ADGRE3: variants seen among roughly 807,000 people sequenced by gnomAD.
The protein encoded by ADGRE3 is EGF-like module receptor 3.
ADGRE3 carries 88 observed loss-of-function variants against 80.1 expected under a neutral mutation model. The observed-to-expected ratio is 1.10, with a 90% confidence interval of 0.93 to 1.31. ADGRE3 has a LOEUF of 1.31. ADGRE3 is among the 40% of genes most tolerant of loss of function. The pLI is 0.00. For missense variants in ADGRE3, 715 were observed against 776.5 expected, an observed-to-expected ratio of 0.92 and a Z score of 0.94; for synonymous variants, 281 against 294.8, an observed-to-expected ratio of 0.95 and a Z score of 0.48.
downstream of ADGRE3, among the ~76,000 whole-genome samples, chr19:14,617,342 C>CTTTCTTTCTTTCTTTCTTTCTTTCTT (rs2075083783): frequency 2.4e-4 from 5 of 20,588 alleles, no homozygotes; most frequent in Non-Finnish European, 5.8e-4. Flanking sequence ...CCCTCCCTCC[C>CTTTCTTTCTTTCTTTCTTTCTTTCTT]TTTCTTTCTT....
downstream of ADGRE3, chr19:14,618,972 A>G (rs773774704): frequency 5.9e-5 from 11 of 187,110 alleles, no homozygotes; most frequent in Non-Finnish European, 1.2e-4. Context: ...GCAGTGGCTC[A>G]TGCCTGTAAT....
At chr19:14,631,935 T>A (rs1970892140) in intron 13 of ADGRE3, among the ~76,000 whole-genome samples, 1 of 151,848 alleles carries the variant, frequency 6.6e-6, no homozygotes, top group South Asian at 2.1e-4. Flanking sequence ...CAAAAGACTA[T>A]AAAAAAATGT....
At chr19:14,672,944 A>G (rs1395196257) in intron 1 of ADGRE3, among the ~76,000 whole-genome samples, 1 of 152,074 alleles carries the variant, frequency 6.6e-6, no homozygotes, top group Non-Finnish European at 1.5e-5. Context: ...CAATGCTCAT[A>G]TCATCACCCT....
rs1568500865 is a variant in ADGRE3 at position 14,665,965 on chromosome 19, T to TGC, written c.77-2426_77-2425insGC. Among the ~76,000 whole-genome samples, 9 of 128,946 alleles carry TGC rather than the reference T, an allele frequency of 7.0e-5. No homozygotes were observed. The South Asian group carries it at 7.2e-4, about 10-fold the overall frequency. 84.6% of individuals were successfully genotyped at this position (128,946 alleles called of 152,430 possible). A position where few individuals can be genotyped will look rare whatever the true frequency, so the allele number is the denominator to read the frequency against. ...ATATATATATATATATATATATATA[T>TGC]ATATATATATATAGTGTTTTCTTTA... On this transcript the variant is annotated intron_variant, in intron 2 of 15. Coordinates refer to ENST00000253673, the MANE Select transcript of ADGRE3 (RefSeq NM_032571.5).
intron 4 of ADGRE3, among the ~76,000 whole-genome samples, chr19:14,660,360 C>G (rs760887272): frequency 6.6e-6 from 1 of 152,166 alleles, no homozygotes; most frequent in South Asian, 2.1e-4. Context: ...AGTGCTGTGG[C>G]TTATGCCTAT....
intron 2 of ADGRE3, among the ~76,000 whole-genome samples, chr19:14,668,355 C>A (rs561101196): frequency 4.4e-4 from 65 of 148,318 alleles, no homozygotes; most frequent in Admixed American, 3.2e-3. Flanking sequence ...ACCAGACAAA[C>A]TTTTTTTTTT....
chr19:14,602,467 C>A, the ADGRE3 span, among the ~76,000 whole-genome samples: 1 of 151,956 alleles, frequency 6.6e-6, no homozygotes, highest in African/African-American at 2.4e-5. Flanking sequence ...TAATTTTTAA[C>A]ATTTTTTGTA....
chr19:14,652,473 C>T (rs1274077472), intron 6 of ADGRE3, among the ~76,000 whole-genome samples: 1 of 151,686 alleles, frequency 6.6e-6, no homozygotes, highest in African/African-American at 2.4e-5. Context: ...AACAAAACAG[C>T]ACATCAAGAA....
At chr19:14,608,402 T>C in the ADGRE3 span, among the ~76,000 whole-genome samples, 1 of 152,136 alleles carries the variant, frequency 6.6e-6, no homozygotes, top group African/African-American at 2.4e-5. Context: ...TTTCCCTGTG[T>C]GCTTGGCATC....
At chr19:14,645,043 C>T (rs1276741690) in intron 8 of ADGRE3, among the ~76,000 whole-genome samples, 1 of 152,052 alleles carries the variant, frequency 6.6e-6, no homozygotes, top group Non-Finnish European at 1.5e-5. Context: ...TATGCGGCCA[C>T]CAGGACCCCC....
rs1568500815 is a variant in ADGRE3 at position 14,665,955 on chromosome 19, T to TGC, written c.77-2416_77-2415insGC. On this transcript the variant is annotated intron_variant, in intron 2 of 15. Transcript: ENST00000253673. ...ATATGTGTATATATATATATATATA[T>TGC]ATATATATATATATATATATATAGT... 3.2e-4 allele frequency among the ~76,000 whole-genome samples: 39 copies of TGC among 120,618 alleles called. 4 individuals carry two copies. The highest frequency in any genetic ancestry group is 4.1e-3 in the Middle Eastern group (1 of 246). The allele number at this position is 120,618 out of a possible 152,430, so 79.1% of individuals were successfully genotyped here. A position where few individuals can be genotyped will look rare whatever the true frequency, so the allele number is the denominator to read the frequency against.
rs1053436120 is a variant in ADGRE3, at chr19:14,621,807, C to T, written c.1921-2336G>A. 7 of 1,037,542 alleles carry T rather than the reference C, an allele frequency of 6.7e-6. 2 individuals carry two copies. Among genetic ancestry groups the T allele is most frequent in the Non-Finnish European group, 9.4e-6 (7 of 743,560 alleles). 64.3% of individuals were successfully genotyped at this position (1,037,542 alleles called of 1,614,324 possible). ...AGCAGTAATGCAAGGCCAATAAGAA[C>T]AATTCCAGCAACCACACCAGCTACA... On this transcript the variant is annotated intron_variant, in intron 15 of 15. Coordinates refer to ENST00000253673, the MANE Select transcript of ADGRE3 (RefSeq NM_032571.5).
intron 6 of ADGRE3, among the ~76,000 whole-genome samples, chr19:14,652,776 C>CAA (rs34330214): frequency 2.7e-4 from 17 of 62,380 alleles, no homozygotes; most frequent in Admixed American, 5.3e-4. Flanking sequence ...GACTCCATCT[C>CAA]AAAAAAAAAA....
chr19:14,603,480 G>C, the ADGRE3 span, among the ~76,000 whole-genome samples: 1 of 151,786 alleles, frequency 6.6e-6, no homozygotes, highest in Admixed American at 6.6e-5. Flanking sequence ...TTTTTTTTGA[G>C]ATGGGATCTT....
chr19:14,659,040 T>TC lies in ADGRE3; in HGVS notation c.356-491dup, dbSNP rs569590418. On this transcript the variant is annotated intron_variant, in intron 4 of 15. Transcript: ENST00000253673. ...GAGCCATCGCACCTGGCTTTTTTTTTCCCTTTTTTTTTTTAGATAGGGTCT... is the reference window on the plus strand; with the variant it reads ...GAGCCATCGCACCTGGCTTTTTTTTTCCCCTTTTTTTTTTTAGATAGGGTCT... Among the ~76,000 whole-genome samples, 401 of 135,256 alleles carry TC rather than the reference T, an allele frequency of 3.0e-3. 1 individual carries two copies. Among genetic ancestry groups the TC allele is most frequent in the African/African-American group, 0.011 (384 of 33,520 alleles). The allele number at this position is 135,256 out of a possible 152,430, so 88.7% of individuals were successfully genotyped here.
At chr19:14,610,333 A>C in the ADGRE3 span, 2 of 1,248,284 alleles carry the variant, frequency 1.6e-6, no homozygotes, top group Non-Finnish European at 2.2e-6. Flanking sequence ...CCCTGGATGC[A>C]GCAAGTTCCC....
chr19:14,605,061 G>T, the ADGRE3 span, among the ~76,000 whole-genome samples: 1 of 152,082 alleles, frequency 6.6e-6, no homozygotes, highest in Admixed American at 6.5e-5. Flanking sequence ...GGCTGGGCAT[G>T]GTGGCTCACG....
At chr19:14,652,376 T>C (rs555346350) in intron 6 of ADGRE3, among the ~76,000 whole-genome samples, 9 of 152,086 alleles carry the variant, frequency 5.9e-5, no homozygotes, top group East Asian at 1.9e-4. Flanking sequence ...ATGGAAATCG[T>C]TGAATTGGGT....
At chr19:14,629,670 C>G (rs1970825357) in intron 14 of ADGRE3, among the ~76,000 whole-genome samples, 1 of 152,094 alleles carries the variant, frequency 6.6e-6, no homozygotes. Flanking sequence ...CTGAGCTCAG[C>G]TAAGATCAGG....
Sources: allele counts gnomAD v4.1 joint callset (sites outside exome capture counted in the v4.1 genomes callset), GRCh38; gene constraint gnomAD v4.1.1; transcripts MANE v1.5; gene names NCBI Gene and HGNC (gene_info 2026-07-23, HGNC 2026-07-21).